The following ADAM12 variants were observed in gnomAD, a reference collection of about 807,000 sequenced individuals.
The protein encoded by ADAM12 is ADAM metallopeptidase domain 12.
Under a neutral mutation model 106.4 loss-of-function variants are expected in ADAM12, and 70 were observed. The ratio of observed to expected loss-of-function variants is 0.66; its 90% CI spans 0.54 to 0.80. The LOEUF (loss-of-function observed/expected upper bound fraction) is 0.80. Ranked by LOEUF, ADAM12 falls within the 30% of genes least tolerant of loss-of-function variation. ADAM12 has a pLI of 0.00. For missense variants in ADAM12, 1,010 were observed against 1,171.9 expected, an observed-to-expected ratio of 0.86 and a Z score of 2.02; for synonymous variants, 420 against 433.5, an observed-to-expected ratio of 0.97 and a Z score of 0.39.
rs113456822 is a variant in ADAM12, at chr10:126,232,544, C to T, written c.260+46371G>A. ...CAAAATAGGAAAATGACACGTTCACCAGCACCACCAGAAAACCCCACATGG... is the reference window on the plus strand; with the variant it reads ...CAAAATAGGAAAATGACACGTTCACTAGCACCACCAGAAAACCCCACATGG... On this transcript the variant is annotated intron_variant, in intron 3 of 22. Transcript: ENST00000448723. Among the ~76,000 whole-genome samples the T allele has an allele frequency of 1.6e-4, 25 of 152,222 alleles. 1 individual carries two copies. Among genetic ancestry groups the T allele is most frequent in the African/African-American group, 5.5e-4 (23 of 41,532 alleles).
Position 126,344,738 on chromosome 10 carries a change from C to T in ADAM12, c.89-14229G>A, listed in dbSNP as rs1377242897. 5.3e-5 allele frequency among the ~76,000 whole-genome samples: 8 copies of T among 152,304 alleles called. No individual in the cohort carries two copies. In the East Asian group the frequency reaches 1.5e-3, roughly 29 times the overall value. On this transcript the variant is annotated intron_variant, in intron 1 of 22. Coordinates refer to ENST00000448723, the MANE Select transcript of ADAM12 (RefSeq NM_001288973.2). ...TTGTTCTCCTTGAAGAGGTTCTTCA[C>T]ATCCCTTGTGAGTTGGATTCCTAGG...
chr10:126,321,587 G>C (rs1854095615), intron 2 of ADAM12, among the ~76,000 whole-genome samples: 2 of 152,116 alleles, frequency 1.3e-5, no homozygotes, highest in Admixed American at 1.3e-4. Context: ...AAAAGGAGGA[G>C]TGAACAGGAA....
intron 3 of ADAM12, 58 bp downstream of exon 3, chr10:126,278,857 T>A: frequency 3.7e-6 from 5 of 1,337,036 alleles, no homozygotes; most frequent in Non-Finnish European, 5.2e-6. Flanking sequence ...ACAGAGCACT[T>A]TTCTGTCCAT....
intron 3 of ADAM12, among the ~76,000 whole-genome samples, chr10:126,243,186 T>C (rs1251030188): frequency 2.6e-5 from 4 of 152,240 alleles, no homozygotes; most frequent in Admixed American, 2.0e-4. Flanking sequence ...GAGGCCGCCC[T>C]GGCTGCAGGG....
chr10:126,357,068 C>G (rs1176646336), intron 1 of ADAM12, among the ~76,000 whole-genome samples: 1 of 152,118 alleles, frequency 6.6e-6, no homozygotes, highest in Non-Finnish European at 1.5e-5. Flanking sequence ...CTGAAAACTT[C>G]CCTAACCTGG....
chr10:126,240,192 G>C (rs17154562), intron 3 of ADAM12, among the ~76,000 whole-genome samples: 26,971 of 152,280 alleles, frequency 0.18, 2,935 homozygotes, highest in South Asian at 0.31. Flanking sequence ...CACTCAGTGT[G>C]TACATAGCTG....
chr10:126,283,416 C>G (rs948749107), intron 2 of ADAM12, among the ~76,000 whole-genome samples: 1 of 152,126 alleles, frequency 6.6e-6, no homozygotes, highest in Non-Finnish European at 1.5e-5. Context: ...TTCCAAAGTA[C>G]AAATGGGTTA....
chr10:126,136,798 G>A lies in ADAM12; in HGVS notation c.340-1138C>T, dbSNP rs114060863. ...AAAGGCGATGAAAGGAGGGTGATAGGGTTAAGGGGTTGCAGGGACATTTAT... is the reference window on the plus strand; with the variant it reads ...AAAGGCGATGAAAGGAGGGTGATAGAGTTAAGGGGTTGCAGGGACATTTAT... On this transcript the variant is annotated intron_variant, in intron 4 of 22. Transcript: ENST00000448723. Among the ~76,000 whole-genome samples, 523 of 152,210 alleles carry A rather than the reference G, an allele frequency of 3.4e-3. 4 individuals are homozygous for A. Among genetic ancestry groups the A allele is most frequent in the African/African-American group, 0.012 (494 of 41,526 alleles).
At chr10:126,106,164 AG>A (rs1408757087) in intron 8 of ADAM12, among the ~76,000 whole-genome samples, 8 of 152,052 alleles carry the variant, frequency 5.3e-5, no homozygotes, top group Non-Finnish European at 5.9e-5. Context: ...GGTCATCATG[AG>A]GTCCCGGGAC....
chr10:126,161,687 C>T (rs535885483), intron 3 of ADAM12, among the ~76,000 whole-genome samples: 79 of 152,196 alleles, frequency 5.2e-4, no homozygotes, highest in African/African-American at 1.2e-3. Context: ...ACTGAGAAGG[C>T]GCTGGATGGA....
chr10:126,130,532 A>G (rs1956285955), intron 5 of ADAM12, among the ~76,000 whole-genome samples: 1 of 152,122 alleles, frequency 6.6e-6, no homozygotes, highest in Non-Finnish European at 1.5e-5. Flanking sequence ...AGGATTTCAC[A>G]ATATTCTTTT....
At chr10:126,184,060 G>A (rs1957359423) in intron 3 of ADAM12, among the ~76,000 whole-genome samples, 1 of 152,124 alleles carries the variant, frequency 6.6e-6, no homozygotes, top group Admixed American at 6.5e-5. Context: ...CTGAGCCAAG[G>A]AATCTGGACC....
intron 4 of ADAM12, among the ~76,000 whole-genome samples, chr10:126,139,995 A>C (rs1956480979): frequency 6.6e-6 from 1 of 152,078 alleles, no homozygotes; most frequent in African/African-American, 2.4e-5. Flanking sequence ...CATCAGGGGG[A>C]TCCTAGTACC....
rs1194593581 is a variant in ADAM12, at chr10:126,014,709, A to G, written c.*2570T>C. The G allele has an allele frequency of 2.6e-5, 4 of 152,134 alleles. No homozygotes were observed. Among genetic ancestry groups the G allele is most frequent in the Non-Finnish European group, 5.9e-5 (4 of 68,016 alleles). The allele number at this position is 152,134 out of a possible 1,614,324, so 9.4% of individuals were successfully genotyped here. A position where few individuals can be genotyped will look rare whatever the true frequency, so the allele number is the denominator to read the frequency against. Reference sequence around the variant, plus strand: ...ATGAAGTGAGGTCATAGAACCTACAACTATAATAAGCTGTAGGAAGAAAAG... The same window carrying G: ...ATGAAGTGAGGTCATAGAACCTACAGCTATAATAAGCTGTAGGAAGAAAAG... On this transcript the variant is annotated 3_prime_UTR_variant, in exon 23 of 23. Transcript: ENST00000448723.
intron 4 of ADAM12, among the ~76,000 whole-genome samples, chr10:126,151,954 T>A (rs945959398): frequency 2.6e-5 from 4 of 151,768 alleles, no homozygotes; most frequent in African/African-American, 9.7e-5. Context: ...TCTTGTCCAT[T>A]TTATGAATAT....
intron 12 of ADAM12, among the ~76,000 whole-genome samples, chr10:126,070,929 T>C (rs1293088140): frequency 6.6e-6 from 1 of 152,232 alleles, no homozygotes; most frequent in Non-Finnish European, 1.5e-5. Flanking sequence ...GGTTAAGCCC[T>C]GTGCTAGATA....
At chr10:126,144,388 C>G (rs534715045) in intron 4 of ADAM12, among the ~76,000 whole-genome samples, 2 of 152,122 alleles carry the variant, frequency 1.3e-5, no homozygotes, top group Non-Finnish European at 2.9e-5. Context: ...ATCTGGAATA[C>G]GAACATAAAT....
chr10:126,321,705 A>G (rs1037652743), intron 2 of ADAM12, among the ~76,000 whole-genome samples: 3 of 152,206 alleles, frequency 2.0e-5, no homozygotes, highest in African/African-American at 4.8e-5. Context: ...GCGAGTGCTC[A>G]CCACGTCTGC....
At chr10:126,219,114 G>A (rs1479012643) in intron 3 of ADAM12, among the ~76,000 whole-genome samples, 1 of 152,202 alleles carries the variant, frequency 6.6e-6, no homozygotes, top group Non-Finnish European at 1.5e-5. Flanking sequence ...GCTTTGCTCT[G>A]TAGTTGTACA....
Sources: gnomAD v4.1 joint callset for allele counts (sites outside exome capture counted in the v4.1 genomes callset) on GRCh38, gnomAD v4.1.1 for gene constraint, MANE v1.5 for transcripts, NCBI Gene and HGNC (gene_info 2026-07-23, HGNC 2026-07-21) for gene names.